The following UMOD variants were observed in gnomAD, a reference collection of about 807,000 sequenced individuals.
UMOD encodes Tamm-Horsfall urinary glycoprotein.
Under a neutral mutation model 66.0 loss-of-function variants are expected in UMOD, and 64 were observed. The observed-to-expected ratio is 0.97, with a 90% confidence interval of 0.79 to 1.19. The LOEUF is 1.19. Ranked by LOEUF, UMOD falls within the 50% of genes most tolerant of loss-of-function variation. UMOD has a pLI of 0.00. For missense variants in UMOD, 764 were observed against 850.9 expected, an observed-to-expected ratio of 0.90 and a Z score of 1.27; for synonymous variants, 398 against 352.7, an observed-to-expected ratio of 1.13 and a Z score of -1.44.
At chr16:20,344,241 C>T (rs1965410554) in intron 5 of UMOD, 69 bp from the exon 6 acceptor site, 1 of 1,472,454 alleles carries the variant, frequency 6.8e-7, no homozygotes, top group Non-Finnish European at 9.5e-7. Flanking sequence ...CTGAGTAGGA[C>T]TTCAAAGCTA....
At position 20,337,965 on chromosome 16, in the gene UMOD, T is replaced by C. The variant is rs749859144; in HGVS notation, c.1578-512A>G. Among the ~76,000 whole-genome samples the C allele has an allele frequency of 6.7e-4, 102 of 152,144 alleles. 1 individual carries two copies. Among genetic ancestry groups the C allele is most frequent in the Non-Finnish European group, 6.0e-4 (41 of 68,020 alleles). On this transcript the variant is annotated intron_variant, in intron 7 of 10. Transcript: ENST00000396138. ...AGAAGGAGAAACCCGAAATAGAGCA[T>C]GCAGAGACTCCCACATGTGCTGGGC... is the stretch of plus-strand genomic sequence containing the variant.
chr16:20,336,640 T>C lies in UMOD; in HGVS notation c.1822+6A>G, dbSNP rs1033870428. On this transcript the variant is annotated splice_donor_region_variant and intron_variant, in intron 9 of 10. Transcript: ENST00000396138. The stretch of plus-strand genomic sequence containing the variant: ...AGGAATGTTGAGGAGCGAGTGGCTC[T>C]CTTACCTTTCCGTGTGATGGGACCC... 5.0e-6 allele frequency: 8 copies of C among 1,613,594 alleles called. No individual in the cohort carries two copies. Among genetic ancestry groups the C allele is most frequent in the African/African-American group, 1.3e-5 (1 of 74,916 alleles).
In UMOD at chr16:20,348,846, G is replaced by A. The variant is rs1414688923; in HGVS notation, c.455C>T (p.Pro152Leu). 3 of 1,547,662 alleles carry A rather than the reference G, an allele frequency of 1.9e-6. No individual in the cohort carries two copies. The highest frequency in any genetic ancestry group is 2.0e-5 in the Admixed American group (1 of 51,038). ...RGDGWHCECS[P>L]GSCGPGLDCV... ...GTCCAACCCCGGCCCGCAGGAGCCC[G>A]GGGAGCACTCACAGTGCCATCCATC... The change falls in exon 3 of 11, where the codon CCG becomes CTG. Residue 152 changes from proline (P) to leucine (L), a missense_variant. Physicochemically the swap from Pro to Leu is moderately conservative, Grantham distance 98 (BLOSUM62 -3). Transcript: ENST00000396138.
At chr16:20,353,130 C>T (rs911749009), upstream of UMOD, among the ~76,000 whole-genome samples, 2 of 152,162 alleles carry the variant, frequency 1.3e-5, no homozygotes, top group African/African-American at 2.4e-5. Context: ...ATATTCACTG[C>T]CCCAGATGGG....
chr16:20,347,658 G>A (rs1302725381), intron 4 of UMOD, among the ~76,000 whole-genome samples: 2 of 152,166 alleles, frequency 1.3e-5, no homozygotes, highest in African/African-American at 2.4e-5. Flanking sequence ...AAAAGTCATG[G>A]CACAGGTAAC....
chr16:20,354,123 T>C (rs1440070784), upstream of UMOD, among the ~76,000 whole-genome samples: 1 of 152,250 alleles, frequency 6.6e-6, no homozygotes, highest in African/African-American at 2.4e-5. Flanking sequence ...CCACGGTGTA[T>C]ATGTGCCACA....
chr16:20,347,335 T>C (rs1965644962), intron 4 of UMOD, among the ~76,000 whole-genome samples: 1 of 152,188 alleles, frequency 6.6e-6, no homozygotes, highest in Non-Finnish European at 1.5e-5. Context: ...CTAACTTCCC[T>C]CTCAAACAGA....
intron 4 of UMOD, among the ~76,000 whole-genome samples, chr16:20,347,147 C>T (rs370080839): frequency 9.8e-5 from 15 of 152,286 alleles, no homozygotes; most frequent in African/African-American, 3.4e-4. Context: ...CTCAGCCTCC[C>T]GAGTAGCTGG....
At chr16:20,343,656 T>C (rs1965366280) in intron 6 of UMOD, among the ~76,000 whole-genome samples, 2 of 152,166 alleles carry the variant, frequency 1.3e-5, no homozygotes, top group Admixed American at 6.5e-5. Context: ...CCCATATCAT[T>C]TAATTCTTAG....
Position 20,335,834 on chromosome 16 carries a change from G to A in UMOD, c.1823-314C>T, listed in dbSNP as rs4635355. The stretch of plus-strand genomic sequence containing the variant: ...CTCCTGCCACAGGCCCTTTGCCCAA[G>A]CTGTACTCTTGAAATGACCTTTGCA... On this transcript the variant is annotated intron_variant, in intron 9 of 10. Coordinates refer to ENST00000396138, the MANE Select transcript of UMOD (RefSeq NM_003361.4). 0.43 allele frequency among the ~76,000 whole-genome samples: 64,787 copies of A among 152,014 alleles called. 17,339 individuals carry two copies. Among genetic ancestry groups the A allele is most frequent in the Non-Finnish European group, 0.61 (41,624 of 67,932 alleles).
In UMOD at chr16:20,335,506, C is replaced by T. The variant is rs1207398782; in HGVS notation, c.1837G>A (p.Val613Ile). 2.5e-6 allele frequency: 4 copies of T among 1,614,156 alleles called. No homozygotes were observed. The highest frequency in any genetic ancestry group is 3.4e-6 in the Non-Finnish European group (4 of 1,179,988). Residue 613 changes from valine (V) to isoleucine (I), a missense_variant, in exon 10 of 11, where the codon GTC becomes ATC. Physicochemically the swap from Val to Ile is conservative, Grantham distance 29. Transcript: ENST00000396138. ...CCCAAGCTGCTAAAAGCCCTTGAGA[C>T]TGTGGCCTGGACACCTTTGGAGGAA... ...PITRKGVQATVSRAFSSLGLL... is the reference protein window; with the variant it reads ...PITRKGVQATISRAFSSLGLL...
At chr16:20,352,774 T>C, upstream of UMOD, 1 of 1,215,298 alleles carries the variant, frequency 8.2e-7, no homozygotes, top group African/African-American at 1.6e-5. Flanking sequence ...CAATCTCTCC[T>C]CCAATTAGTC....
chr16:20,349,455 G>A (rs74936567), intron 2 of UMOD, among the ~76,000 whole-genome samples: 1 of 152,132 alleles, frequency 6.6e-6, no homozygotes, highest in Non-Finnish European at 1.5e-5. Flanking sequence ...GAGGGGTCTT[G>A]CTCTGTCGCC....
At chr16:20,355,491 C>T (rs1966015180), upstream of UMOD, among the ~76,000 whole-genome samples, 2 of 151,632 alleles carry the variant, frequency 1.3e-5, no homozygotes, top group Middle Eastern at 6.8e-3. Context: ...GCAACCTCCA[C>T]CTCCCAAGTT....
At chr16:20,335,069 G>A (rs942426180) in intron 10 of UMOD, among the ~76,000 whole-genome samples, 3 of 151,904 alleles carry the variant, frequency 2.0e-5, no homozygotes, top group Admixed American at 1.3e-4. Context: ...CTTGTGATCC[G>A]CCCGCCTCAG....
chr16:20,347,831 G>A (rs933868802), intron 4 of UMOD, among the ~76,000 whole-genome samples: 5 of 152,164 alleles, frequency 3.3e-5, no homozygotes, highest in African/African-American at 1.2e-4. Flanking sequence ...CTGATTGGTG[G>A]ACTGGTCATC....
intron 10 of UMOD, 112 bp from the exon 11 acceptor site, chr16:20,333,487 C>G (rs771777555): frequency 2.8e-5 from 28 of 998,916 alleles, no homozygotes; most frequent in Non-Finnish European, 4.0e-5. Flanking sequence ...CCTCTCTGGG[C>G]TGCTCTCCTA....
rs1427164259 is a variant in UMOD at position 20,346,334 on chromosome 16, T to C, written c.974A>G (p.Asp325Gly). 1.9e-6 allele frequency: 3 copies of C among 1,614,100 alleles called. No individual in the cohort carries two copies. Among genetic ancestry groups the C allele is most frequent in the South Asian group, 2.2e-5 (2 of 91,090 alleles). ...CAGCCTGTGCTCCAGGAGGGAGATATCTGAAACAGGTTAGGTGGGATTGAG... is the reference window on the plus strand; with the variant it reads ...CAGCCTGTGCTCCAGGAGGGAGATACCTGAAACAGGTTAGGTGGGATTGAG... ...CQCKQDFNITDISLLEHRLEC... is the reference protein window; with the variant it reads ...CQCKQDFNITGISLLEHRLEC... The change falls in exon 5 of 11, where the codon GAT becomes GGT. Residue 325 changes from aspartate to glycine, a missense_variant and splice_region_variant. Asp to Gly is a moderately conservative substitution (Grantham distance 94). Coordinates refer to ENST00000396138, the MANE Select transcript of UMOD (RefSeq NM_003361.4).
chr16:20,333,458 A>G, intron 10 of UMOD, 83 bp from the exon 11 acceptor site: 1 of 1,329,658 alleles, frequency 7.5e-7, no homozygotes, highest in Non-Finnish European at 1.1e-6. Flanking sequence ...GTCTAGGCTG[A>G]CCAATCAGAA....
Sources: gnomAD v4.1 joint callset for allele counts (sites outside exome capture counted in the v4.1 genomes callset) on GRCh38, gnomAD v4.1.1 for gene constraint, MANE v1.5 for transcripts, NCBI Gene and HGNC (gene_info 2026-07-23, HGNC 2026-07-21) for gene names.